Variants in DCHS2 observed in about 807,000 individuals in gnomAD.
DCHS2 encodes the protein dachsous cadherin-related 2, also known as protocadherin-23.
In DCHS2, 142 loss-of-function variants were observed where a neutral mutation model predicts 182.4. The observed-to-expected ratio is 0.78, with a 90% CI of 0.68 to 0.89. The LOEUF is 0.89. DCHS2 is among the 40% of genes least tolerant of loss of function. The pLI is 0.00. For synonymous variants in DCHS2, 1,740 were observed against 1,663.3 expected (o/e 1.05, Z -1.12); for missense variants, 4,319 against 4,198.6 (o/e 1.03, Z -0.79).
In DCHS2 at chr4:154,256,894, G is replaced by A. The variant is rs114018213; in HGVS notation, c.6790-1224C>T. 2.8e-3 allele frequency among the ~76,000 whole-genome samples: 425 copies of A among 152,254 alleles called. 3 individuals carry two copies. Among genetic ancestry groups the A allele is most frequent in the African/African-American group, 9.4e-3 (390 of 41,540 alleles). On this transcript the variant is annotated intron_variant, in intron 15 of 19. Transcript: ENST00000357232. ...CAGACAGGGGACAGCTCTTGGGACC[G>A]AAAGGCTGCAATATGCAGTTTCCTT... is the stretch of plus-strand genomic sequence containing the variant.
chr4:154,437,670 C>G (rs990094900), intron 1 of DCHS2, among the ~76,000 whole-genome samples: 1 of 152,068 alleles, frequency 6.6e-6, no homozygotes, highest in African/African-American at 2.4e-5. Context: ...GTAACATATT[C>G]GTTGAATCTG....
intron 3 of DCHS2, among the ~76,000 whole-genome samples, chr4:154,359,698 C>T (rs1394981662): frequency 6.6e-6 from 1 of 151,952 alleles, no homozygotes; most frequent in Non-Finnish European, 1.5e-5. Context: ...ATTTTGCACA[C>T]AAATCTTAGC....
intron 1 of DCHS2, among the ~76,000 whole-genome samples, chr4:154,447,637 C>A (rs1734357945): frequency 6.6e-6 from 1 of 152,058 alleles, no homozygotes; most frequent in African/African-American, 2.4e-5. Flanking sequence ...GAAAAATCAC[C>A]TGGAAACTTT....
intron 1 of DCHS2, among the ~76,000 whole-genome samples, chr4:154,413,943 A>C (rs533487094): frequency 6.6e-6 from 1 of 152,304 alleles, no homozygotes; most frequent in African/African-American, 2.4e-5. Context: ...GACCCTGGTT[A>C]ATATATCTGC....
intron 3 of DCHS2, among the ~76,000 whole-genome samples, chr4:154,339,593 G>A (rs1044585751): frequency 2.6e-5 from 4 of 152,002 alleles, no homozygotes; most frequent in African/African-American, 9.7e-5. Context: ...AGGACTACAG[G>A]CGCCTACCAT....
intron 13 of DCHS2, among the ~76,000 whole-genome samples, chr4:154,286,785 C>T (rs1734419828): frequency 6.6e-6 from 1 of 151,988 alleles, no homozygotes; most frequent in Admixed American, 6.6e-5. Context: ...GGTAAGAGTA[C>T]AAAGTTTATT....
chr4:154,382,174 T>C (rs1216335906), intron 1 of DCHS2, among the ~76,000 whole-genome samples: 1 of 151,994 alleles, frequency 6.6e-6, no homozygotes, highest in Non-Finnish European at 1.5e-5. Flanking sequence ...GAATAAGCAA[T>C]AAGGAAAGGA....
In DCHS2 at chr4:154,234,207, T is replaced by C. The variant is rs1199221353; in HGVS notation, c.*329A>G. The C allele has an allele frequency of 4.7e-6, 1 of 213,526 alleles. No homozygotes were observed. Among genetic ancestry groups the C allele is most frequent in the Non-Finnish European group, 9.2e-6 (1 of 108,512 alleles). 13.2% of individuals were successfully genotyped at this position (213,526 alleles called of 1,614,324 possible). A position where few individuals can be genotyped will look rare whatever the true frequency, so the allele number is the denominator to read the frequency against. On this transcript the variant is annotated 3_prime_UTR_variant, in exon 20 of 20. Transcript: ENST00000357232. ...TGACCAGAGTACACTATATTTTGTT[T>C]CCATATAAACATTCTGGCAGTCAGT...
intron 13 of DCHS2, among the ~76,000 whole-genome samples, chr4:154,289,202 A>G (rs995074007): frequency 6.6e-6 from 1 of 152,122 alleles, no homozygotes. Flanking sequence ...AGCCAGACTC[A>G]GAAGAAAAGG....
At chr4:154,321,878 C>T (rs1736073082) in intron 8 of DCHS2, among the ~76,000 whole-genome samples, 1 of 151,984 alleles carries the variant, frequency 6.6e-6, no homozygotes, top group South Asian at 2.1e-4. Flanking sequence ...CTTGTTTGCC[C>T]ATTATGATTA....
intron 1 of DCHS2, among the ~76,000 whole-genome samples, chr4:154,381,573 C>T: frequency 6.6e-6 from 1 of 152,062 alleles, no homozygotes; most frequent in East Asian, 1.9e-4. Flanking sequence ...AACTGATAAA[C>T]AACTTCAGTA....
chr4:154,421,901 T>C (rs911484485), intron 1 of DCHS2, among the ~76,000 whole-genome samples: 5 of 152,194 alleles, frequency 3.3e-5, no homozygotes, highest in African/African-American at 9.7e-5. Context: ...CATCACTCCA[T>C]TGAAGTAATT....
At chr4:154,457,366 A>G (rs796958831) in intron 1 of DCHS2, among the ~76,000 whole-genome samples, 27 of 152,284 alleles carry the variant, frequency 1.8e-4, no homozygotes, top group Non-Finnish European at 2.5e-4. Context: ...TTTCATGTCT[A>G]TTACCTTCTT....
intron 1 of DCHS2, among the ~76,000 whole-genome samples, chr4:154,487,948 C>T (rs1263269911): frequency 1.3e-5 from 2 of 152,006 alleles, no homozygotes; most frequent in South Asian, 2.1e-4. Context: ...GAGGCTGAGG[C>T]GGGAGTATCA....
intron 3 of DCHS2, among the ~76,000 whole-genome samples, chr4:154,354,255 A>C (rs1282534027): frequency 2.0e-5 from 3 of 152,306 alleles, no homozygotes; most frequent in East Asian, 3.9e-4. Context: ...TCTTTCTTTC[A>C]AAATATTCAT....
rs767063090 is a variant in DCHS2 at position 154,331,566 on chromosome 4, C to T, written c.3730+912G>A. 4 of 1,596,014 alleles carry T rather than the reference C, an allele frequency of 2.5e-6. No homozygotes were observed. The Admixed American group carries it at 5.2e-5, about 21-fold the overall frequency. ...CATGTGCCCTGTGAAAACCCTCCATCTGCTGTGAAAGGTCACCTTCTCCTA... is the reference window on the plus strand; with the variant it reads ...CATGTGCCCTGTGAAAACCCTCCATTTGCTGTGAAAGGTCACCTTCTCCTA... On this transcript the variant is annotated intron_variant, in intron 5 of 19. Coordinates refer to ENST00000357232, the MANE Select transcript of DCHS2 (RefSeq NM_001358235.2).
Position 154,490,517 on chromosome 4 carries a change from A to C in DCHS2, c.839T>G (p.Leu280Arg). Reference sequence around the variant, plus strand: ...ATCCAGCACGCGCAGCTCCACGCTCAGGAGGCCGGTGCGCCGGGGTCGGCC... The same window carrying C: ...ATCCAGCACGCGCAGCTCCACGCTCCGGAGGCCGGTGCGCCGGGGTCGGCC... Reference protein sequence around the residue: ...DGGRPRRTGLLSVELRVLDEN... With the variant: ...DGGRPRRTGLRSVELRVLDEN... The change falls in exon 1 of 20, where the codon CTG becomes CGG. Residue 280 changes from leucine to arginine, a missense_variant. By Grantham distance (102) the Leu-to-Arg change is moderately radical. Transcript: ENST00000357232. 2 of 1,537,778 alleles carry C rather than the reference A, an allele frequency of 1.3e-6. No individual in the cohort carries two copies. Among genetic ancestry groups the C allele is most frequent in the African/African-American group, 2.7e-5 (2 of 73,146 alleles).
chr4:154,490,044 G>A lies in DCHS2; in HGVS notation c.1312C>T (p.Arg438Cys), dbSNP rs566471878. 2 of 1,548,190 alleles carry A rather than the reference G, an allele frequency of 1.3e-6. No individual in the cohort carries two copies. The highest frequency in any genetic ancestry group is 2.4e-5 in the East Asian group (1 of 40,872). The change falls in exon 1 of 20, where the codon CGC becomes TGC. Residue 438 changes from arginine (R) to cysteine (C), a missense_variant. Arg to Cys is a radical substitution (Grantham distance 180). Coordinates refer to ENST00000357232, the MANE Select transcript of DCHS2 (RefSeq NM_001358235.2). ...EGARPGDYVARVSVSDADGDW... is the reference protein window; with the variant it reads ...EGARPGDYVACVSVSDADGDW... ...CCGTCCGCGTCAGACACCGAGACGC[G>A]AGCCACGTAGTCGCCCGGTCGGGCG... is the stretch of plus-strand genomic sequence containing the variant.
At chr4:154,305,377 A>AT in intron 10 of DCHS2, 146 bp from the exon 11 acceptor site, 2 of 1,098,140 alleles carry the variant, frequency 1.8e-6, no homozygotes, top group Non-Finnish European at 2.4e-6. Context: ...GTAAAAGAAA[A>AT]CCTCTTTTGG....
Sources: allele counts gnomAD v4.1 joint callset (sites outside exome capture counted in the v4.1 genomes callset), GRCh38; gene constraint gnomAD v4.1.1; transcripts MANE v1.5; gene names NCBI Gene and HGNC (gene_info 2026-07-23, HGNC 2026-07-21).